The following ALB variants were observed in gnomAD, a reference collection of about 807,000 sequenced individuals.
ALB encodes the protein albumin.
Under a neutral mutation model 74.5 loss-of-function variants are expected in ALB, and 37 were observed. The observed-to-expected ratio is 0.50, with a 90% confidence interval of 0.38 to 0.65. ALB has a LOEUF of 0.65. ALB is among the 30% of genes least tolerant of loss of function. The pLI, the probability that ALB is intolerant of heterozygous loss-of-function variation, is 0.00. For missense variants in ALB, 685 were observed against 718.7 expected, an observed-to-expected ratio of 0.95 and a Z score of 0.54; for synonymous variants, 249 against 251.6, an observed-to-expected ratio of 0.99 and a Z score of 0.10.
At chr4:73,406,182 C>A (rs1468479216) in intron 2 of ALB, among the ~76,000 whole-genome samples, 1 of 152,130 alleles carries the variant, frequency 6.6e-6, no homozygotes, top group Non-Finnish European at 1.5e-5. Flanking sequence ...TCGTTTGGAC[C>A]TGAGAGGTCA....
At chr4:73,418,814 A>G (rs1003350248) in intron 12 of ALB, among the ~76,000 whole-genome samples, 5 of 152,214 alleles carry the variant, frequency 3.3e-5, no homozygotes, top group African/African-American at 1.2e-4. Context: ...TTATAATTGC[A>G]TAAAATTTAG....
chr4:73,408,549 A>G, intron 3 of ALB, 45 bp from the exon 4 acceptor site: 1 of 1,546,608 alleles, frequency 6.5e-7, no homozygotes, highest in Non-Finnish European at 8.9e-7. Context: ...GCTATAAAGA[A>G]AAAAGGTACT....
chr4:73,419,062 T>C (rs1719084574), intron 12 of ALB, among the ~76,000 whole-genome samples: 1 of 152,152 alleles, frequency 6.6e-6, no homozygotes, highest in Non-Finnish European at 1.5e-5. Context: ...TTCTCATCTT[T>C]ATAGATGAGA....
At chr4:73,420,715 T>G in intron 14 of ALB, 1 of 271,568 alleles carries the variant, frequency 3.7e-6, no homozygotes, top group Non-Finnish European at 6.9e-6. Context: ...AAAGAGTGCT[T>G]TATAGGGCAA....
rs773146535 is a variant in ALB, at chr4:73,416,242, C to A, written c.1192-14C>A. ...GAGGCATAATACTATTAACACAATT[C>A]TTTTATGTTTCAGTTCGATGAATTT... On this transcript the variant is annotated splice_polypyrimidine_tract_variant and intron_variant, in intron 9 of 14. Coordinates refer to ENST00000295897, the MANE Select transcript of ALB (RefSeq NM_000477.7). The A allele has an allele frequency of 1.6e-5, 26 of 1,605,004 alleles. No individual in the cohort carries two copies. The highest frequency in any genetic ancestry group is 1.7e-4 in the Middle Eastern group (1 of 6,036).
Position 73,413,404 on chromosome 4 carries a change from A to G in ALB, c.844-16A>G, listed in dbSNP as rs374006273. The G allele has an allele frequency of 2.5e-6, 4 of 1,605,460 alleles. No individual in the cohort carries two copies. The highest frequency in any genetic ancestry group is 3.4e-6 in the Non-Finnish European group (4 of 1,172,390). ...TGTCAATTCGTGTTGAACAATTTCC[A>G]CCAACTTACTTATAGGCGGACCTTG... On this transcript the variant is annotated splice_polypyrimidine_tract_variant and intron_variant, in intron 7 of 14. Transcript: ENST00000295897.
At chr4:73,417,410 GATA>G in intron 10 of ALB, 118 bp from the exon 11 acceptor site, 1 of 1,275,806 alleles carries the variant, frequency 7.8e-7, no homozygotes, top group South Asian at 1.2e-5. Context: ...TGCAGATGGA[GATA>G]ATATGATGAA....
chr4:73,407,399 G>A (rs1236531166), intron 3 of ALB, among the ~76,000 whole-genome samples: 1 of 152,180 alleles, frequency 6.6e-6, no homozygotes, highest in Non-Finnish European at 1.5e-5. Flanking sequence ...TTAGCATAGT[G>A]CATTCAAAGT....
intron 8 of ALB, 42 bp from the exon 9 acceptor site, chr4:73,414,993 T>G (rs1224394698): frequency 6.2e-7 from 1 of 1,608,682 alleles, no homozygotes; most frequent in East Asian, 2.2e-5. Context: ...TTTTTTGTGC[T>G]CATTTGTCCA....
chr4:73,419,645 A>G lies in ALB; in HGVS notation c.1785+6A>G. On this transcript the variant is annotated splice_donor_region_variant and intron_variant, in intron 13 of 14. Transcript: ENST00000295897. ...AGACCTGCTTTGCCGAGGAGGTACT[A>G]CAGTTCTCTTCATTTTAATATGTCC... 6.2e-7 allele frequency: 1 copy of G among 1,613,916 alleles called. No individual in the cohort carries two copies. The highest frequency in any genetic ancestry group is 8.5e-7 in the Non-Finnish European group (1 of 1,179,862).
intron 12 of ALB, 199 bp from the exon 13 acceptor site, chr4:73,419,308 T>C: frequency 1.7e-6 from 1 of 598,002 alleles, no homozygotes; most frequent in Admixed American, 3.0e-5. Flanking sequence ...TCCATGAAAG[T>C]GGATTTTATT....
intron 10 of ALB, among the ~76,000 whole-genome samples, chr4:73,416,620 A>G (rs990327167): frequency 6.6e-6 from 1 of 152,162 alleles, no homozygotes; most frequent in Non-Finnish European, 1.5e-5. Context: ...ATCAGAACTG[A>G]GCATGTCCCT....
In ALB at chr4:73,418,159, C is replaced by T. The variant is rs751422338; in HGVS notation, c.1500C>T (p.Cys500=). Residue 500 remains cysteine (C), a synonymous_variant, in exon 12 of 15, where the codon TGC becomes TGT. Transcript: ENST00000295897. ...CAGTAAGTGACAGAGTCACCAAATG[C>T]TGCACAGAATCCTTGGTGAACAGGC... ...KTPVSDRVTK[C]CTESLVNRRP... is the part of the protein sequence containing the mutation. The T allele has an allele frequency of 6.8e-6, 11 of 1,614,170 alleles. No homozygotes were observed. Among genetic ancestry groups the T allele is most frequent in the Non-Finnish European group, 9.3e-6 (11 of 1,180,024 alleles).
At chr4:73,417,707 A>C (rs1475019215) in intron 11 of ALB, 38 bp downstream of exon 11, 4 of 1,481,920 alleles carry the variant, frequency 2.7e-6, no homozygotes, top group Non-Finnish European at 2.7e-6. Context: ...TAATAATGAA[A>C]AAATTTTACC....
At chr4:73,405,301 C>T (rs931905136) in intron 2 of ALB, 128 bp downstream of exon 2, 15 of 777,706 alleles carry the variant, frequency 1.9e-5, no homozygotes, top group Non-Finnish European at 3.0e-5. Context: ...GAGTTTTCTG[C>T]GTTGAGGAAG....
chr4:73,418,376 A>C, intron 12 of ALB, 65 bp downstream of exon 12: 1 of 1,445,304 alleles, frequency 6.9e-7, no homozygotes, highest in Non-Finnish European at 9.6e-7. Flanking sequence ...AATTCAAGCT[A>C]GCAACTTTTT....
At chr4:73,420,228 AAC>A (rs1400347369) in intron 13 of ALB, 24 bp from the exon 14 acceptor site, 13 of 1,605,828 alleles carry the variant, frequency 8.1e-6, no homozygotes, top group Non-Finnish European at 1.1e-5. Flanking sequence ...ATATTTTCCT[AAC>A]ATCTGTCATG....
Position 73,404,309 on chromosome 4 carries a change from C to A in ALB, c.-19C>A, listed in dbSNP as rs779014097. ...GTCCTAGCTTTTCTCTTCTGTCAAC[C>A]CCACACGCCTTTGGCACAATGAAGT... On this transcript the variant is annotated 5_prime_UTR_variant, in exon 1 of 15. Transcript: ENST00000295897. The A allele has an allele frequency of 1.2e-6, 2 of 1,602,238 alleles. No homozygotes were observed. The highest frequency in any genetic ancestry group is 2.2e-5 in the East Asian group (1 of 44,766).
At position 73,413,493 on chromosome 4, in the gene ALB, C is replaced by T. The variant is rs755199533; in HGVS notation, c.917C>T (p.Pro306Leu). Reference sequence around the variant, plus strand: ...AAACTGAAGGAATGCTGTGAAAAACCTCTGTTGGAAAAATCCCACTGCATT... The same window carrying T: ...AAACTGAAGGAATGCTGTGAAAAACTTCTGTTGGAAAAATCCCACTGCATT... ...SSKLKECCEKPLLEKSHCIAE... is the reference protein window; with the variant it reads ...SSKLKECCEKLLLEKSHCIAE... The change falls in exon 8 of 15, where the codon CCT (proline) becomes CTT (leucine). Residue 306 changes from proline (P) to leucine (L), a missense_variant. Pro to Leu is a moderately conservative substitution (Grantham distance 98, BLOSUM62 -3). Transcript: ENST00000295897. 52 of 1,614,094 alleles carry T rather than the reference C, an allele frequency of 3.2e-5. No homozygotes were observed. In the East Asian group the frequency reaches 1.1e-3, roughly 35 times the overall value.
Sources: allele counts gnomAD v4.1 joint callset (sites outside exome capture counted in the v4.1 genomes callset), GRCh38; gene constraint gnomAD v4.1.1; transcripts MANE v1.5; gene names NCBI Gene and HGNC (gene_info 2026-07-23, HGNC 2026-07-21).